CEACAM21: variants seen among roughly 807,000 people sequenced by gnomAD.
CEACAM21 encodes the protein CEA cell adhesion molecule 21.
In CEACAM21, 38 loss-of-function variants were observed where a neutral mutation model predicts 33.2. The observed-to-expected ratio is 1.14, with a 90% CI of 0.88 to 1.50. CEACAM21 has a LOEUF of 1.50. Ranked by LOEUF, CEACAM21 falls within the 40% of genes most tolerant of loss-of-function variation. The pLI is 0.00. For missense variants in CEACAM21, 385 were observed against 364.6 expected (o/e 1.06, Z -0.46); for synonymous variants, 156 against 143.0 (o/e 1.09, Z -0.65).
chr19:41,573,782 A>G (rs1380925835), upstream of CEACAM21, among the ~76,000 whole-genome samples: 4 of 152,166 alleles, frequency 2.6e-5, no homozygotes, highest in South Asian at 6.2e-4. Flanking sequence ...TAATTTATCT[A>G]CTTAGATTAA....
chr19:41,577,613 C>T (rs1414439300), intron 2 of CEACAM21, 54 bp downstream of exon 2: 9 of 1,602,206 alleles, frequency 5.6e-6, no homozygotes, highest in South Asian at 4.4e-5. Flanking sequence ...GCTTCACATA[C>T]GCAGGATTGT....
intron 1 of CEACAM21, chr19:41,551,971 G>A (rs1029737523): frequency 2.1e-4 from 32 of 152,240 alleles, no homozygotes; most frequent in African/African-American, 7.0e-4. Flanking sequence ...GCCCAATAAC[G>A]AGATGCAGAT....
upstream of CEACAM21, among the ~76,000 whole-genome samples, chr19:41,574,998 C>G (rs577901450): frequency 4.6e-5 from 7 of 152,148 alleles, no homozygotes; most frequent in Non-Finnish European, 8.8e-5. Context: ...TGGGATATTA[C>G]TCAGCCATAA....
chr19:41,578,808 A>G (rs2122241077), intron 2 of CEACAM21, among the ~76,000 whole-genome samples: 1 of 152,328 alleles, frequency 6.6e-6, no homozygotes, highest in South Asian at 2.1e-4. Context: ...TGTCACTCCC[A>G]TGGGAGGATG....
chr19:41,586,050 G>A, intron 6 of CEACAM21, 179 bp downstream of exon 6: 1 of 661,910 alleles, frequency 1.5e-6, no homozygotes. Flanking sequence ...CACTCCCTGT[G>A]CTAACCCCAC....
chr19:41,569,514 G>T (rs10415860), intron 2 of CEACAM21, among the ~76,000 whole-genome samples: 1 of 152,040 alleles, frequency 6.6e-6, no homozygotes, highest in African/African-American at 2.4e-5. Context: ...ATTGCGGGGG[G>T]CGGGTTGGGG....
At chr19:41,560,381 C>A (rs1353474340) in intron 1 of CEACAM21, among the ~76,000 whole-genome samples, 2 of 152,132 alleles carry the variant, frequency 1.3e-5, no homozygotes. Flanking sequence ...CACTGCCATG[C>A]CTGGCTAATT....
Position 41,586,552 on chromosome 19 carries a change from TG to T in CEACAM21, c.*92del. ...TAGGTTCCTCTGGGAGCTGCTCCTG[TG>T]GGTTGATGGAGCGTCCCTGAAGCCC... On this transcript the variant is annotated 3_prime_UTR_variant, in exon 7 of 7. Transcript: ENST00000401445. 1 of 628,690 alleles carries T rather than the reference TG, an allele frequency of 1.6e-6. No homozygotes were observed. Among genetic ancestry groups the T allele is most frequent in the Non-Finnish European group, 3.1e-6 (1 of 326,456 alleles). The allele number at this position is 628,690 out of a possible 1,614,324, so 38.9% of individuals were successfully genotyped here.
chr19:41,572,163 CG>C (rs1363084113), upstream of CEACAM21, among the ~76,000 whole-genome samples: 2 of 152,104 alleles, frequency 1.3e-5, no homozygotes, highest in Non-Finnish European at 2.9e-5. Flanking sequence ...GTGACATTAA[CG>C]GTGAACTAGA....
At chr19:41,583,353 C>T (rs1329283930) in intron 3 of CEACAM21, among the ~76,000 whole-genome samples, 1 of 152,180 alleles carries the variant, frequency 6.6e-6, no homozygotes, top group Non-Finnish European at 1.5e-5. Flanking sequence ...AAGTTTCAAA[C>T]TTTTTTCCTG....
chr19:41,570,344 C>T (rs531886851), intron 2 of CEACAM21, among the ~76,000 whole-genome samples: 5 of 152,168 alleles, frequency 3.3e-5, no homozygotes, highest in African/African-American at 1.2e-4. Flanking sequence ...GCTGGCAACC[C>T]TGGATGGGCT....
chr19:41,585,965 C>A, intron 6 of CEACAM21, 94 bp downstream of exon 6: 1 of 1,321,160 alleles, frequency 7.6e-7, no homozygotes. Flanking sequence ...CAAACCCACC[C>A]TACCCAGAAT....
chr19:41,586,715 GC>G lies in CEACAM21; in HGVS notation c.*253del. The G allele has an allele frequency of 7.8e-6, 3 of 384,866 alleles. No homozygotes were observed. The highest frequency in any genetic ancestry group is 6.4e-5 in the South Asian group (3 of 46,896). 23.8% of individuals were successfully genotyped at this position (384,866 alleles called of 1,614,324 possible). A position where few individuals can be genotyped will look rare whatever the true frequency, so the allele number is the denominator to read the frequency against. The stretch of plus-strand genomic sequence containing the variant: ...TAGAGACCTCAACAGACTGCCCCGG[GC>G]TCTGGGTGGGCCAAGGCGAAGGCTT... On this transcript the variant is annotated 3_prime_UTR_variant, in exon 7 of 7. Transcript: ENST00000401445.
intron 6 of CEACAM21, 146 bp downstream of exon 6, chr19:41,586,017 C>T: frequency 1.2e-6 from 1 of 831,636 alleles, no homozygotes; most frequent in Admixed American, 2.1e-5. Flanking sequence ...TGAGCTGGGC[C>T]TCTGTTCAGG....
intron 1 of CEACAM21, among the ~76,000 whole-genome samples, chr19:41,559,668 G>C (rs187562926): frequency 6.6e-6 from 1 of 152,226 alleles, no homozygotes; most frequent in Admixed American, 6.5e-5. Context: ...GAGAGAAGAC[G>C]CCAGTACTCA....
At chr19:41,556,292 G>A (rs1555785586) in intron 1 of CEACAM21, among the ~76,000 whole-genome samples, 1 of 152,190 alleles carries the variant, frequency 6.6e-6, no homozygotes, top group Non-Finnish European at 1.5e-5. Flanking sequence ...ATTTTATTTT[G>A]TCAAAATTTC....
chr19:41,585,832 G>T lies in CEACAM21; in HGVS notation c.851-8G>T. 6.2e-7 allele frequency: 1 copy of T among 1,612,270 alleles called. No individual in the cohort carries two copies. The highest frequency in any genetic ancestry group is 8.5e-7 in the Non-Finnish European group (1 of 1,179,226). Reference sequence around the variant, plus strand: ...CACTCTCGTGCTCACTTTTGTCTCTGTCCCCAGGCCATGGACCCTCTGACA... The same window carrying T: ...CACTCTCGTGCTCACTTTTGTCTCTTTCCCCAGGCCATGGACCCTCTGACA... On this transcript the variant is annotated splice_polypyrimidine_tract_variant and splice_region_variant and intron_variant, in intron 5 of 6. Coordinates refer to ENST00000401445, the MANE Select transcript of CEACAM21 (RefSeq NM_001098506.4).
intron 2 of CEACAM21, among the ~76,000 whole-genome samples, chr19:41,578,823 A>G (rs1555792231): frequency 6.6e-6 from 1 of 152,186 alleles, no homozygotes; most frequent in Non-Finnish European, 1.5e-5. Context: ...AGGATGAAGG[A>G]AAGGACTCAG....
At position 41,577,396 on chromosome 19, in the gene CEACAM21, C is replaced by T. The variant is rs537389102; in HGVS notation, c.261C>T (p.His87=). The T allele has an allele frequency of 5.9e-5, 96 of 1,613,958 alleles. No individual in the cohort carries two copies. The South Asian group carries it at 7.7e-4, about 13-fold the overall frequency. ...TCGCAGCATATGTAATAGACACTCA[C>T]GTTAGGACTCCAGGGCCTGCATACA... is the stretch of plus-strand genomic sequence containing the variant. ...QLIAAYVIDT[H]VRTPGPAYSG... The change falls in exon 2 of 7, where the codon CAC becomes CAT. Residue 87 remains histidine (H), a synonymous_variant. Transcript: ENST00000401445.
Sources: gnomAD v4.1 joint callset for allele counts (sites outside exome capture counted in the v4.1 genomes callset) on GRCh38, gnomAD v4.1.1 for gene constraint, MANE v1.5 for transcripts, NCBI Gene and HGNC (gene_info 2026-07-23, HGNC 2026-07-21) for gene names.